The following PLS1 variants were observed in gnomAD, a reference collection of about 807,000 sequenced individuals.
PLS1 encodes the protein plastin 1.
Under a neutral mutation model 73.7 loss-of-function variants are expected in PLS1, and 32 were observed. The ratio of observed to expected loss-of-function variants is 0.43; its 90% CI spans 0.33 to 0.58. PLS1 has a LOEUF of 0.58. Ranked by LOEUF, PLS1 falls within the 20% of genes least tolerant of loss-of-function variation. PLS1 has a pLI of 0.04. For synonymous variants in PLS1, 217 were observed against 261.3 expected, an observed-to-expected ratio of 0.83 and a Z score of 1.63; for missense variants, 633 against 740.5, an observed-to-expected ratio of 0.85 and a Z score of 1.68.
chr3:142,656,120 C>A (rs937344374), intron 1 of PLS1, among the ~76,000 whole-genome samples: 2 of 152,240 alleles, frequency 1.3e-5, no homozygotes, highest in East Asian at 3.9e-4. Context: ...TGCCATCAGG[C>A]CTGGCTAATT....
At chr3:142,639,012 A>T (rs967997990) in intron 1 of PLS1, among the ~76,000 whole-genome samples, 2 of 152,258 alleles carry the variant, frequency 1.3e-5, no homozygotes, top group East Asian at 3.9e-4. Context: ...AAGTGCTGGG[A>T]TTACAGGTGT....
intron 10 of PLS1, among the ~76,000 whole-genome samples, chr3:142,691,557 T>G (rs530341473): frequency 6.6e-6 from 1 of 152,314 alleles, no homozygotes; most frequent in East Asian, 1.9e-4. Context: ...TTGCTAGTGT[T>G]CAGCATGCTT....
chr3:142,682,055 T>C (rs1295118530), intron 6 of PLS1, among the ~76,000 whole-genome samples: 1 of 152,150 alleles, frequency 6.6e-6, no homozygotes, highest in Admixed American at 6.5e-5. Flanking sequence ...TGCAAAGCTT[T>C]GTTAGTGTCT....
At chr3:142,617,702 G>C (rs1166035957) in intron 1 of PLS1, among the ~76,000 whole-genome samples, 1 of 152,134 alleles carries the variant, frequency 6.6e-6, no homozygotes, top group Non-Finnish European at 1.5e-5. Context: ...ACCTGGCCGG[G>C]CATAATGGCT....
At chr3:142,690,772 C>T (rs2038069250) in intron 10 of PLS1, among the ~76,000 whole-genome samples, 1 of 152,170 alleles carries the variant, frequency 6.6e-6, no homozygotes, top group Non-Finnish European at 1.5e-5. Flanking sequence ...AATAACAAAA[C>T]ATTCTCAATA....
chr3:142,700,805 G>A (rs1016148343), intron 12 of PLS1, among the ~76,000 whole-genome samples: 1 of 152,200 alleles, frequency 6.6e-6, no homozygotes, highest in Non-Finnish European at 1.5e-5. Flanking sequence ...ATTCCCATGT[G>A]TTGTGGGAGG....
intron 1 of PLS1, among the ~76,000 whole-genome samples, chr3:142,653,500 A>G (rs1295466090): frequency 6.6e-6 from 1 of 151,852 alleles, no homozygotes; most frequent in Non-Finnish European, 1.5e-5. Flanking sequence ...GGCTGGGACT[A>G]CAGGCTCAAG....
intron 1 of PLS1, among the ~76,000 whole-genome samples, chr3:142,611,646 G>A (rs76013026): frequency 0.018 from 2,737 of 151,894 alleles, 85 homozygotes; most frequent in African/African-American, 0.063. Context: ...AAAATAGTAC[G>A]TATATAGTAT....
intron 10 of PLS1, 60 bp downstream of exon 10, chr3:142,689,873 C>T: frequency 9.2e-7 from 1 of 1,088,386 alleles, no homozygotes; most frequent in Non-Finnish European, 1.3e-6. Flanking sequence ...TATTGTCTTA[C>T]TTCACTGTCA....
chr3:142,685,741 G>A (rs1257880432), intron 8 of PLS1, among the ~76,000 whole-genome samples: 1 of 152,210 alleles, frequency 6.6e-6, no homozygotes, highest in African/African-American at 2.4e-5. Context: ...CTTAGTTAAC[G>A]TGAATCATAA....
intron 1 of PLS1, chr3:142,656,521 A>G (rs573515330): frequency 1.3e-5 from 2 of 152,370 alleles, no homozygotes; most frequent in African/African-American, 4.8e-5. Context: ...AAATCTGATA[A>G]AAAATGGACA....
At chr3:142,649,592 C>A (rs927307399) in intron 1 of PLS1, among the ~76,000 whole-genome samples, 132 of 151,354 alleles carry the variant, frequency 8.7e-4, no homozygotes, top group African/African-American at 3.0e-3. Flanking sequence ...GAGCTGAGAT[C>A]GCACCACTGA....
chr3:142,693,369 C>T (rs535090674), intron 10 of PLS1, among the ~76,000 whole-genome samples: 11 of 152,202 alleles, frequency 7.2e-5, no homozygotes, highest in African/African-American at 1.9e-4. Context: ...CTGTTGCAAT[C>T]GCTCTATACG....
In PLS1 at chr3:142,693,603, A is replaced by G. The variant is rs867536263; in HGVS notation, c.1178-866A>G. On this transcript the variant is annotated intron_variant, in intron 10 of 15. Transcript: ENST00000457734. ...GAACAAATAATCATGATAGTTACTT[A>G]GAACTATTTGCAGTCAGGAGATGAC... Among the ~76,000 whole-genome samples, 6 of 152,326 alleles carry G rather than the reference A, an allele frequency of 3.9e-5. No individual in the cohort carries two copies. In the Middle Eastern group the frequency reaches 0.01, roughly 259 times the overall value.
chr3:142,607,521 G>C (rs767732108), intron 1 of PLS1, among the ~76,000 whole-genome samples: 1 of 152,150 alleles, frequency 6.6e-6, no homozygotes, highest in Non-Finnish European at 1.5e-5. Context: ...TGATCCACCC[G>C]CCTCGGCCTC....
rs2037913030 is a variant in PLS1 at position 142,684,146 on chromosome 3, T to C, written c.720T>C (p.Ala240=). Residue 240 remains alanine, a synonymous_variant, in exon 7 of 16, where the codon GCT becomes GCC. Transcript: ENST00000457734. ...LWQIIKVGLF[A]DIEISRNEAL... ...AGATCATCAAAGTTGGCCTTTTTGC[T>C]GATATTGAGATTTCCAGGAATGAAG... The C allele has an allele frequency of 6.2e-7, 1 of 1,614,010 alleles. No individual in the cohort carries two copies. Among genetic ancestry groups the C allele is most frequent in the Non-Finnish European group, 8.5e-7 (1 of 1,180,016 alleles).
chr3:142,696,254 A>G (rs1006685396), intron 11 of PLS1, among the ~76,000 whole-genome samples: 25 of 152,264 alleles, frequency 1.6e-4, no homozygotes, highest in Non-Finnish European at 1.5e-5. Context: ...CTAGAGTTCT[A>G]TCACTGACAG....
In PLS1 at chr3:142,646,950, C is replaced by T. The variant is rs1168078103; in HGVS notation, c.-36-17252C>T. 2.0e-5 allele frequency among the ~76,000 whole-genome samples: 3 copies of T among 152,294 alleles called. No individual in the cohort carries two copies. The East Asian group carries it at 5.8e-4, about 29-fold the overall frequency. The stretch of plus-strand genomic sequence containing the variant: ...TCATAGAAAATTCCTTCTTAGAAAG[C>T]ATGGCTTGGAGGGAGTGAGAATATC... On this transcript the variant is annotated intron_variant, in intron 1 of 15. Coordinates refer to ENST00000457734, the MANE Select transcript of PLS1 (RefSeq NM_001145319.2).
rs570271573 is a variant in PLS1 at position 142,695,635 on chromosome 3, T to C, written c.1256+1088T>C. On this transcript the variant is annotated intron_variant, in intron 11 of 15. Transcript: ENST00000457734. ...AAAAAGAATAACAGGTCTAGTATGA[T>C]CCCATTTTGTTTACAATTTGAGTGT... Among the ~76,000 whole-genome samples the C allele has an allele frequency of 2.6e-5, 4 of 152,326 alleles. No homozygotes were observed. The South Asian group carries it at 8.3e-4, about 32-fold the overall frequency.
Sources: gnomAD v4.1 joint callset for allele counts (sites outside exome capture counted in the v4.1 genomes callset) on GRCh38, gnomAD v4.1.1 for gene constraint, MANE v1.5 for transcripts, NCBI Gene and HGNC (gene_info 2026-07-23, HGNC 2026-07-21) for gene names.